Variants in CSGALNACT1 observed in about 807,000 individuals in gnomAD.
CSGALNACT1 encodes beta4GalNAcT-1.
CSGALNACT1 carries 52 observed loss-of-function variants against 51.0 expected under a neutral mutation model. That is an observed-to-expected ratio of 1.02 (90% CI 0.82 to 1.29). CSGALNACT1 has a LOEUF of 1.29. CSGALNACT1 is among the 50% of genes most tolerant of loss of function. The pLI is 0.00. For synonymous variants in CSGALNACT1, 341 were observed against 254.4 expected (o/e 1.34, Z -3.24); for missense variants, 935 against 679.2 (o/e 1.38, Z -4.19).
rs1048799520 is a variant in CSGALNACT1 at position 19,542,057 on chromosome 8, A to T, written c.-296-35927T>A. ...ATCTTATGATAAAAAATATTCTCTA[A>T]CCAAGGAGATTGTCTAGTTCTTGAT... On this transcript the variant is annotated intron_variant, in intron 3 of 9. Coordinates refer to ENST00000454498, the Ensembl canonical transcript of CSGALNACT1. Among the ~76,000 whole-genome samples, 2 of 152,200 alleles carry T rather than the reference A, an allele frequency of 1.3e-5. 1 individual carries two copies. The highest frequency in any genetic ancestry group is 2.9e-5 in the Non-Finnish European group (2 of 68,048).
At chr8:19,583,173 T>G (rs897551752) in intron 3 of CSGALNACT1, among the ~76,000 whole-genome samples, 2 of 151,856 alleles carry the variant, frequency 1.3e-5, no homozygotes, top group Admixed American at 1.3e-4. Flanking sequence ...CCAATACCTT[T>G]TTTTAAAAAA....
chr8:19,613,279 C>A (rs1179639719), intron 1 of CSGALNACT1, among the ~76,000 whole-genome samples: 2 of 152,102 alleles, frequency 1.3e-5, no homozygotes, highest in African/African-American at 2.4e-5. Context: ...ATTTATGTTT[C>A]TATTTAGTGC....
At chr8:19,567,187 A>G (rs1193280831) in intron 3 of CSGALNACT1, among the ~76,000 whole-genome samples, 1 of 152,178 alleles carries the variant, frequency 6.6e-6, no homozygotes, top group Non-Finnish European at 1.5e-5. Flanking sequence ...TGGCAAAACA[A>G]AAACCCCAGA....
intron 8 of CSGALNACT1, among the ~76,000 whole-genome samples, chr8:19,411,326 A>T (rs545165256): frequency 6.6e-6 from 1 of 152,294 alleles, no homozygotes; most frequent in Admixed American, 6.5e-5. Flanking sequence ...CTGTTTGCTG[A>T]CTGTCTTCAG....
chr8:19,428,945 T>C (rs1231095575), intron 6 of CSGALNACT1, among the ~76,000 whole-genome samples: 1 of 151,890 alleles, frequency 6.6e-6, no homozygotes, highest in Non-Finnish European at 1.5e-5. Context: ...AATTTTAAAG[T>C]GTATAAATCA....
intron 3 of CSGALNACT1, among the ~76,000 whole-genome samples, chr8:19,519,373 A>C (rs528012309): frequency 6.6e-6 from 1 of 152,200 alleles, no homozygotes; most frequent in Non-Finnish European, 1.5e-5. Context: ...CCATATCCTG[A>C]AGCACCATCA....
At chr8:19,552,947 G>A (rs2088586091) in intron 3 of CSGALNACT1, among the ~76,000 whole-genome samples, 1 of 152,180 alleles carries the variant, frequency 6.6e-6, no homozygotes, top group African/African-American at 2.4e-5. Flanking sequence ...GGAAGACTGT[G>A]CTCAGGATAC....
At chr8:19,558,118 T>C (rs1328969960) in intron 3 of CSGALNACT1, among the ~76,000 whole-genome samples, 1 of 152,220 alleles carries the variant, frequency 6.6e-6, no homozygotes, top group African/African-American at 2.4e-5. Context: ...ATTCTACTAT[T>C]TCCTGAATCA....
intron 1 of CSGALNACT1, among the ~76,000 whole-genome samples, chr8:19,711,102 TA>T (rs2062478777): frequency 6.6e-6 from 1 of 152,188 alleles, no homozygotes; most frequent in African/African-American, 2.4e-5. Context: ...AATATAAATA[TA>T]TTTCCAAAGG....
At chr8:19,493,609 T>A (rs1309429527) in intron 4 of CSGALNACT1, among the ~76,000 whole-genome samples, 1 of 152,220 alleles carries the variant, frequency 6.6e-6, no homozygotes, top group East Asian at 1.9e-4. Context: ...GTCTTTGACA[T>A]CTGGTTTTTA....
intron 1 of CSGALNACT1, among the ~76,000 whole-genome samples, chr8:19,663,838 T>A (rs145095650): frequency 6.6e-6 from 1 of 152,326 alleles, no homozygotes; most frequent in African/African-American, 2.4e-5. Context: ...TTCTCCTCCA[T>A]CCCACAATTC....
chr8:19,668,964 T>C (rs1373068760), intron 1 of CSGALNACT1, among the ~76,000 whole-genome samples: 1 of 152,232 alleles, frequency 6.6e-6, no homozygotes, highest in Non-Finnish European at 1.5e-5. Flanking sequence ...GAATTTCCAG[T>C]GATCAAAGTA....
intron 3 of CSGALNACT1, among the ~76,000 whole-genome samples, chr8:19,582,579 T>C (rs1321252221): frequency 3.3e-5 from 5 of 152,144 alleles, no homozygotes; most frequent in South Asian, 2.1e-4. Flanking sequence ...AAGAGATTGG[T>C]TTAAAGATAG....
At chr8:19,430,549 C>A (rs1297526707) in intron 6 of CSGALNACT1, among the ~76,000 whole-genome samples, 1 of 152,162 alleles carries the variant, frequency 6.6e-6, no homozygotes, top group Non-Finnish European at 1.5e-5. Context: ...CCGAACTCTG[C>A]TTTCCATCCA....
chr8:19,405,929 C>T (rs139076756), exon 10 of CSGALNACT1: 8 of 1,614,114 alleles, frequency 5.0e-6, no homozygotes, highest in Non-Finnish European at 6.8e-6. Flanking sequence ...GGGGTCAGCT[C>T]GTCCATGCAG....
chr8:19,467,643 T>C (rs1468021427), intron 4 of CSGALNACT1, among the ~76,000 whole-genome samples: 2 of 151,850 alleles, frequency 1.3e-5, no homozygotes, highest in African/African-American at 4.9e-5. Context: ...TTTTTATTAA[T>C]TTTTTTCGCA....
intron 1 of CSGALNACT1, among the ~76,000 whole-genome samples, chr8:19,667,063 G>A (rs1411498401): frequency 2.5e-5 from 3 of 121,846 alleles, no homozygotes; most frequent in Non-Finnish European, 3.6e-5. Context: ...AAGAAAGAAA[G>A]AAAGAAAGAA....
At chr8:19,484,128 T>G (rs1450111766) in intron 4 of CSGALNACT1, among the ~76,000 whole-genome samples, 1 of 152,236 alleles carries the variant, frequency 6.6e-6, no homozygotes, top group Non-Finnish European at 1.5e-5. Flanking sequence ...GTGGTATTAC[T>G]GCGCTTATGT....
chr8:19,709,922 G>C (rs561014515), intron 1 of CSGALNACT1, among the ~76,000 whole-genome samples: 7 of 152,312 alleles, frequency 4.6e-5, no homozygotes, highest in African/African-American at 1.7e-4. Context: ...ATTTGCTCCA[G>C]TCTGCAACCA....
Sources: gnomAD v4.1 joint callset for allele counts (sites outside exome capture counted in the v4.1 genomes callset) on GRCh38, gnomAD v4.1.1 for gene constraint, MANE v1.5 for transcripts, NCBI Gene and HGNC (gene_info 2026-07-23, HGNC 2026-07-21) for gene names.